The following PDE1C variants were observed in gnomAD, a reference collection of about 807,000 sequenced individuals.
The protein encoded by PDE1C is dual specificity calcium/calmodulin-dependent 3',5'-cyclic nucleotide phosphodiesterase 1C.
In PDE1C, 62 loss-of-function variants were observed where a neutral mutation model predicts 93.1. The observed-to-expected ratio is 0.67, with a 90% CI of 0.54 to 0.82. The LOEUF is 0.82. Among genes scored for constraint, PDE1C ranks in the 40% least tolerant of loss-of-function variants. The probability of loss-of-function intolerance (pLI) is 0.00; values close to 1 mark genes in which losing one functional copy is unlikely to be tolerated. For synonymous variants in PDE1C, 325 were observed against 310.1 expected, an observed-to-expected ratio of 1.05 and a Z score of -0.50; for missense variants, 742 against 884.6, an observed-to-expected ratio of 0.84 and a Z score of 2.04.
At chr7:31,823,789 G>C (rs1789305917) in intron 13 of PDE1C, among the ~76,000 whole-genome samples, 1 of 152,150 alleles carries the variant, frequency 6.6e-6, no homozygotes, top group African/African-American at 2.4e-5. Context: ...GAGATTGTGA[G>C]GGACTAGGTC....
rs35138046 is a variant in PDE1C at position 32,113,236 on chromosome 7, AATATATATATATAT to A, written c.308+56535_308+56548del. Among the ~76,000 whole-genome samples, 6 of 94,022 alleles carry A rather than the reference AATATATATATATAT, an allele frequency of 6.4e-5. 1 individual carries two copies. The highest frequency in any genetic ancestry group is 1.1e-4 in the Admixed American group (1 of 9,358). 61.7% of individuals were successfully genotyped at this position (94,022 alleles called of 152,430 possible). On this transcript the variant is annotated intron_variant, in intron 3 of 18. Coordinates refer to the PDE1C transcript ENST00000396193. Reference sequence around the variant, plus strand: ...TATAAATATAAATATATTGTCCTTAAATATATATATATATATATATATATATATGGATGTGGATA... The same window carrying A: ...TATAAATATAAATATATTGTCCTTAAATATATATATATATGGATGTGGATA...
intron 1 of PDE1C, among the ~76,000 whole-genome samples, chr7:32,256,964 G>A (rs1202582376): frequency 2.6e-5 from 4 of 152,154 alleles, no homozygotes; most frequent in Non-Finnish European, 1.5e-5. Flanking sequence ...TGATCCCGGG[G>A]AAGCAGGGAT....
intron 17 of PDE1C, among the ~76,000 whole-genome samples, chr7:31,770,758 C>T (rs905836308): frequency 2.6e-5 from 4 of 152,160 alleles, no homozygotes; most frequent in African/African-American, 9.7e-5. Context: ...GATCCACCCG[C>T]CTTGGCCTCC....
intron 1 of PDE1C, among the ~76,000 whole-genome samples, chr7:32,307,475 G>A (rs182751348): frequency 1.3e-5 from 2 of 152,326 alleles, no homozygotes; most frequent in Admixed American, 1.3e-4. Context: ...ACTGCAAGGG[G>A]TGGGTGACAT....
rs146284154 is a variant in PDE1C at position 32,088,816 on chromosome 7, G to A, written c.308+80969C>T. On this transcript the variant is annotated intron_variant, in intron 3 of 18. Transcript: ENST00000396193. ...CTGCAAGGAAATAACCTACGGGGAT[G>A]ACCAGATGTGACTCATGCTGTTCAC... 2.0e-5 allele frequency among the ~76,000 whole-genome samples: 3 copies of A among 152,334 alleles called. No individual in the cohort carries two copies. The East Asian group carries it at 5.8e-4, about 29-fold the overall frequency.
chr7:32,339,342 A>C (rs1012647832), intron 1 of PDE1C, among the ~76,000 whole-genome samples: 3 of 152,202 alleles, frequency 2.0e-5, no homozygotes, highest in Non-Finnish European at 4.4e-5. Context: ...CGTGGTTACC[A>C]GGGACAGGGA....
At chr7:31,820,207 C>T (rs1788792724) in intron 14 of PDE1C, among the ~76,000 whole-genome samples, 1 of 151,368 alleles carries the variant, frequency 6.6e-6, no homozygotes, top group African/African-American at 2.4e-5. Context: ...TTTACTTATA[C>T]ATATGTACAG....
chr7:32,161,610 T>A (rs1801928355), intron 3 of PDE1C, among the ~76,000 whole-genome samples: 7 of 10,466 alleles, frequency 6.7e-4, no homozygotes, highest in Non-Finnish European at 1.6e-3. Flanking sequence ...CTTCCTTTGT[T>A]TAGAGTTTAG....
At chr7:32,195,799 G>A (rs1345665966) in intron 2 of PDE1C, among the ~76,000 whole-genome samples, 2 of 152,164 alleles carry the variant, frequency 1.3e-5, no homozygotes, top group Non-Finnish European at 2.9e-5. Context: ...GGAATATGGT[G>A]CACTACCTTA....
At chr7:32,030,011 G>C (rs551603400) in intron 2 of PDE1C, among the ~76,000 whole-genome samples, 1 of 151,338 alleles carries the variant, frequency 6.6e-6, no homozygotes, top group East Asian at 2.0e-4. Context: ...ATTTCTATGA[G>C]CTGACATAGA....
chr7:31,651,265 G>T, the PDE1C span: 1 of 1,613,004 alleles, frequency 6.2e-7, no homozygotes, highest in Non-Finnish European at 8.5e-7. Context: ...GTCAGAGGAG[G>T]AAAGGTAATT....
At chr7:31,886,504 G>C (rs919310472) in intron 2 of PDE1C, among the ~76,000 whole-genome samples, 2 of 152,198 alleles carry the variant, frequency 1.3e-5, no homozygotes, top group Admixed American at 6.5e-5. Context: ...GGAATACAAA[G>C]TGGGGAAATG....
At chr7:32,411,961 A>C (rs931738139) in intron 1 of PDE1C, among the ~76,000 whole-genome samples, 1 of 152,018 alleles carries the variant, frequency 6.6e-6, no homozygotes, top group Non-Finnish European at 1.5e-5. Context: ...CAGGGTCAAG[A>C]TCATCAACAT....
chr7:31,904,147 G>C (rs1214628164), intron 2 of PDE1C, among the ~76,000 whole-genome samples: 1 of 152,086 alleles, frequency 6.6e-6, no homozygotes, highest in Non-Finnish European at 1.5e-5. Context: ...AGAACAGAGA[G>C]TGCTATATGC....
intron 1 of PDE1C, among the ~76,000 whole-genome samples, chr7:32,328,129 T>C (rs565808647): frequency 1.4e-4 from 22 of 152,302 alleles, no homozygotes; most frequent in East Asian, 1.4e-3. Flanking sequence ...TACCAAACAG[T>C]TTTCCAAAAT....
At chr7:31,756,986 A>C (rs964102876) in intron 17 of PDE1C, among the ~76,000 whole-genome samples, 4 of 152,168 alleles carry the variant, frequency 2.6e-5, no homozygotes, top group African/African-American at 7.2e-5. Context: ...CTTGTGAAAA[A>C]CCAGCTCTGC....
chr7:32,319,595 C>G (rs927428422), intron 1 of PDE1C, among the ~76,000 whole-genome samples: 3 of 152,214 alleles, frequency 2.0e-5, no homozygotes, highest in Admixed American at 2.0e-4. Context: ...CTATAGAATG[C>G]CATTTGCCAC....
intron 2 of PDE1C, among the ~76,000 whole-genome samples, chr7:31,890,880 A>ATG (rs1798541406): frequency 6.6e-6 from 1 of 152,120 alleles, no homozygotes; most frequent in African/African-American, 2.4e-5. Context: ...GCCGCTTTGA[A>ATG]TGTGTGTGTG....
At chr7:32,319,936 A>C (rs746760548) in intron 1 of PDE1C, among the ~76,000 whole-genome samples, 5 of 152,200 alleles carry the variant, frequency 3.3e-5, no homozygotes, top group Non-Finnish European at 5.9e-5. Context: ...TACTTATCTC[A>C]AAGTCCAAAA....
Sources: allele counts gnomAD v4.1 joint callset (sites outside exome capture counted in the v4.1 genomes callset), GRCh38; gene constraint gnomAD v4.1.1; transcripts MANE v1.5; gene names NCBI Gene and HGNC (gene_info 2026-07-23, HGNC 2026-07-21).